L3MBTL4: variants seen among roughly 807,000 people sequenced by gnomAD.
The protein encoded by L3MBTL4 is lethal(3)malignant brain tumor-like protein 4.
Under a neutral mutation model 84.5 loss-of-function variants are expected in L3MBTL4, and 70 were observed. The ratio of observed to expected loss-of-function variants is 0.83; its 90% confidence interval spans 0.68 to 1.01. The LOEUF is 1.01. L3MBTL4 is among the 50% of genes least tolerant of loss of function. The probability of loss-of-function intolerance (pLI) is 0.00; values close to 1 mark genes in which losing one functional copy is unlikely to be tolerated. For missense variants in L3MBTL4, 715 were observed against 754.8 expected (o/e 0.95, Z 0.62); for synonymous variants, 274 against 259.8 (o/e 1.05, Z -0.52).
intron 10 of L3MBTL4, among the ~76,000 whole-genome samples, chr18:6,218,356 C>T (rs572188138): frequency 3.9e-5 from 6 of 152,314 alleles, no homozygotes; most frequent in African/African-American, 1.4e-4. Context: ...CTCCACATTT[C>T]TGTGTAGATT....
chr18:6,158,620 T>G (rs2043194350), intron 13 of L3MBTL4, among the ~76,000 whole-genome samples: 1 of 152,048 alleles, frequency 6.6e-6, no homozygotes, highest in South Asian at 2.1e-4. Flanking sequence ...GGCATTGGAG[T>G]GGGCATCTAT....
At chr18:5,967,706 G>C (rs2052422368) in intron 17 of L3MBTL4, among the ~76,000 whole-genome samples, 1 of 152,196 alleles carries the variant, frequency 6.6e-6, no homozygotes, top group Admixed American at 6.5e-5. Context: ...TCAGACCGAG[G>C]ATCCGCAAGA....
At chr18:6,135,322 G>C (rs1598865859) in intron 14 of L3MBTL4, among the ~76,000 whole-genome samples, 1 of 152,244 alleles carries the variant, frequency 6.6e-6, no homozygotes, top group Non-Finnish European at 1.5e-5. Flanking sequence ...TTTTCCCCAT[G>C]GTCTTGGGGA....
Position 6,174,372 on chromosome 18 carries a change from G to A in L3MBTL4, c.982-2430C>T, listed in dbSNP as rs144082587. Among the ~76,000 whole-genome samples, 653 of 152,246 alleles carry A rather than the reference G, an allele frequency of 4.3e-3. 5 individuals are homozygous for A. The highest frequency in any genetic ancestry group is 6.9e-3 in the Non-Finnish European group (470 of 68,008). On this transcript the variant is annotated intron_variant, in intron 12 of 18. Transcript: ENST00000317931. ...AAAACTTAATTGAAATGGTCTAAAT[G>A]AGTGAACAGAGAATTTCAGGAGAGA... is the stretch of plus-strand genomic sequence containing the variant.
chr18:6,023,160 T>G (rs1358365797), intron 16 of L3MBTL4, among the ~76,000 whole-genome samples: 2 of 152,218 alleles, frequency 1.3e-5, no homozygotes, highest in African/African-American at 4.8e-5. Context: ...GGCGTGGCTA[T>G]ACTAAGAGTT....
chr18:6,410,504 C>CAA (rs112288301), intron 1 of L3MBTL4, among the ~76,000 whole-genome samples: 6 of 148,396 alleles, frequency 4.0e-5, no homozygotes, highest in African/African-American at 1.5e-4. Flanking sequence ...TTAATACACT[C>CAA]AAAAAAAAAA....
intron 1 of L3MBTL4, among the ~76,000 whole-genome samples, chr18:6,315,467 C>T (rs2051043796): frequency 6.6e-6 from 1 of 152,172 alleles, no homozygotes; most frequent in Non-Finnish European, 1.5e-5. Flanking sequence ...TCTACGTATA[C>T]ACTTTCAATT....
At chr18:6,373,299 C>T (rs1161737749) in intron 1 of L3MBTL4, among the ~76,000 whole-genome samples, 1 of 152,134 alleles carries the variant, frequency 6.6e-6, no homozygotes, top group Non-Finnish European at 1.5e-5. Flanking sequence ...TTTTATCAAA[C>T]CTTCCCAAAG....
At chr18:6,045,628 T>A (rs574601672) in intron 16 of L3MBTL4, among the ~76,000 whole-genome samples, 25 of 152,212 alleles carry the variant, frequency 1.6e-4, no homozygotes, top group Non-Finnish European at 2.5e-4. Context: ...GAGAACAGCA[T>A]AGGAAAGACC....
chr18:6,108,409 C>T (rs2059083108), intron 14 of L3MBTL4, among the ~76,000 whole-genome samples: 1 of 152,078 alleles, frequency 6.6e-6, no homozygotes. Context: ...TTTCCAGTTG[C>T]ATGTGTTGTT....
chr18:6,324,024 C>G (rs149799993), intron 1 of L3MBTL4, among the ~76,000 whole-genome samples: 4,948 of 152,344 alleles, frequency 0.032, 216 homozygotes, highest in African/African-American at 0.1. Context: ...CTCCCTGCAT[C>G]CCAGCCACTC....
chr18:6,127,188 A>G (rs190324834), intron 14 of L3MBTL4, among the ~76,000 whole-genome samples: 2 of 152,348 alleles, frequency 1.3e-5, no homozygotes, highest in East Asian at 3.9e-4. Flanking sequence ...TACTTTCTAT[A>G]TCAAGCTTGT....
chr18:6,399,154 AG>A (rs929594923), intron 1 of L3MBTL4, among the ~76,000 whole-genome samples: 2 of 152,214 alleles, frequency 1.3e-5, no homozygotes, highest in African/African-American at 4.8e-5. Flanking sequence ...GGAAAGAAAA[AG>A]GACACTGGGC....
At chr18:6,020,719 G>C (rs1023451824) in intron 16 of L3MBTL4, among the ~76,000 whole-genome samples, 1 of 152,152 alleles carries the variant, frequency 6.6e-6, no homozygotes, top group Non-Finnish European at 1.5e-5. Flanking sequence ...TGAAGGAGAG[G>C]AGTCAAGGAC....
chr18:6,190,054 A>C (rs1277059913), intron 12 of L3MBTL4, among the ~76,000 whole-genome samples: 1 of 152,018 alleles, frequency 6.6e-6, no homozygotes, highest in African/African-American at 2.4e-5. Context: ...ACATGGGGGC[A>C]AAAAAAAGAA....
intron 13 of L3MBTL4, among the ~76,000 whole-genome samples, chr18:6,163,830 G>A (rs1461533802): frequency 1.3e-5 from 2 of 152,140 alleles, no homozygotes; most frequent in African/African-American, 2.4e-5. Flanking sequence ...CTGGACAGTG[G>A]GTGCAGGACA....
intron 12 of L3MBTL4, 146 bp downstream of exon 12, chr18:6,213,003 T>C: frequency 1.8e-6 from 1 of 546,752 alleles, no homozygotes; most frequent in East Asian, 3.1e-5. Context: ...ATCTTCAAGG[T>C]CAAATCCAGA....
intron 14 of L3MBTL4, among the ~76,000 whole-genome samples, chr18:6,134,654 T>G (rs2059977210): frequency 6.6e-6 from 1 of 152,126 alleles, no homozygotes. Context: ...TCTCAAATGA[T>G]CTCCTTTGAC....
At chr18:6,193,935 C>T (rs1176125610) in intron 12 of L3MBTL4, among the ~76,000 whole-genome samples, 1 of 152,150 alleles carries the variant, frequency 6.6e-6, no homozygotes. Flanking sequence ...TTCCAACTTG[C>T]TAATATATAA....
Sources: allele counts gnomAD v4.1 joint callset (sites outside exome capture counted in the v4.1 genomes callset), GRCh38; gene constraint gnomAD v4.1.1; transcripts MANE v1.5; gene names NCBI Gene and HGNC (gene_info 2026-07-23, HGNC 2026-07-21).